Variants in PCDH15 observed in about 807,000 individuals in gnomAD.
PCDH15 encodes protocadherin-15.
In PCDH15, 129 loss-of-function variants were observed where a neutral mutation model predicts 178.5. The observed-to-expected ratio is 0.72, with a 90% CI of 0.63 to 0.84. The LOEUF (loss-of-function observed/expected upper bound fraction) is 0.84. Among genes scored for constraint, PCDH15 ranks in the 40% least tolerant of loss-of-function variants. PCDH15 has a pLI of 0.00. For synonymous variants in PCDH15, 800 were observed against 732.0 expected (o/e 1.09, Z -1.50); for missense variants, 2,230 against 2,099.9 (o/e 1.06, Z -1.21).
At chr10:54,260,643 C>G (rs6481075) in intron 8 of PCDH15, among the ~76,000 whole-genome samples, 1 of 151,726 alleles carries the variant, frequency 6.6e-6, no homozygotes, top group Admixed American at 6.6e-5. Context: ...TGCAGTGGCG[C>G]GATCTCGGCT....
intron 3 of PCDH15, among the ~76,000 whole-genome samples, chr10:54,867,507 CATT>C (rs1337968550): frequency 2.0e-5 from 3 of 152,054 alleles, no homozygotes; most frequent in African/African-American, 7.2e-5. Flanking sequence ...TAGAGACACT[CATT>C]ATTTTTTACA....
At chr10:54,609,017 G>A (rs772297240) in intron 2 of PCDH15, among the ~76,000 whole-genome samples, 11 of 151,942 alleles carry the variant, frequency 7.2e-5, no homozygotes, top group Admixed American at 2.0e-4. Context: ...CACTACAAGC[G>A]CACGAATAAT....
intron 2 of PCDH15, among the ~76,000 whole-genome samples, chr10:54,595,048 C>T (rs1172672421): frequency 6.6e-6 from 1 of 152,204 alleles, no homozygotes; most frequent in Non-Finnish European, 1.5e-5. Context: ...CAGGGCCCTC[C>T]ACCTTCCCAA....
At chr10:55,541,050 G>C (rs972729521) in intron 2 of PCDH15, among the ~76,000 whole-genome samples, 1 of 152,016 alleles carries the variant, frequency 6.6e-6, no homozygotes, top group Non-Finnish European at 1.5e-5. Context: ...ATTCGGCACA[G>C]GACCTTGCAG....
chr10:54,232,560 T>C (rs1378958473), intron 9 of PCDH15, among the ~76,000 whole-genome samples: 1 of 152,226 alleles, frequency 6.6e-6, no homozygotes, highest in Non-Finnish European at 1.5e-5. Context: ...AGTCAGTCTA[T>C]TAACTTGTTA....
chr10:53,874,631 C>T (rs1048592967), intron 26 of PCDH15, among the ~76,000 whole-genome samples: 2 of 152,068 alleles, frequency 1.3e-5, no homozygotes, highest in African/African-American at 4.8e-5. Flanking sequence ...AAAAACCCCT[C>T]CTGCAAGCCA....
intron 2 of PCDH15, among the ~76,000 whole-genome samples, chr10:55,162,395 T>G (rs187028175): frequency 4.9e-4 from 75 of 152,292 alleles, no homozygotes; most frequent in Admixed American, 1.4e-3. Flanking sequence ...AGTTTTAGAA[T>G]TGTGCACAAA....
chr10:55,199,887 G>A (rs1840196671), intron 1 of PCDH15, among the ~76,000 whole-genome samples: 1 of 152,130 alleles, frequency 6.6e-6, no homozygotes, highest in Non-Finnish European at 1.5e-5. Flanking sequence ...TGCACAGAAA[G>A]CAAGAATTAA....
At chr10:55,224,637 A>T (rs761403013) in intron 1 of PCDH15, among the ~76,000 whole-genome samples, 3 of 152,242 alleles carry the variant, frequency 2.0e-5, no homozygotes, top group Admixed American at 6.5e-5. Context: ...ACTAGTACAT[A>T]GCACACCACC....
chr10:54,493,215 G>T (rs1188702493), intron 3 of PCDH15, among the ~76,000 whole-genome samples: 1 of 151,992 alleles, frequency 6.6e-6, no homozygotes, highest in South Asian at 2.1e-4. Flanking sequence ...TATAAATAGG[G>T]TTCAGTATTA....
chr10:54,691,279 A>G (rs2095115445), intron 1 of PCDH15, among the ~76,000 whole-genome samples: 1 of 152,052 alleles, frequency 6.6e-6, no homozygotes, highest in Non-Finnish European at 1.5e-5. Flanking sequence ...ATGAGTAGTA[A>G]TCTACATAGT....
In PCDH15 at chr10:54,880,047, T is replaced by G. The variant is rs569038697; in HGVS notation, c.-29+17403A>C. Among the ~76,000 whole-genome samples, 49 of 152,306 alleles carry G rather than the reference T, an allele frequency of 3.2e-4. 1 individual carries two copies. The highest frequency in any genetic ancestry group is 2.2e-3 in the Admixed American group (33 of 15,294). On this transcript the variant is annotated intron_variant, in intron 3 of 5. Transcript: ENST00000458638. Reference sequence around the variant, plus strand: ...TAAATGTGTGAAGTAGATCTATGTATGTTTAGAACAAATTAAAATCCTGAT... The same window carrying G: ...TAAATGTGTGAAGTAGATCTATGTAGGTTTAGAACAAATTAAAATCCTGAT...
chr10:54,609,368 C>T (rs184122462), intron 2 of PCDH15, among the ~76,000 whole-genome samples: 3 of 152,112 alleles, frequency 2.0e-5, no homozygotes, highest in Admixed American at 2.0e-4. Context: ...TAAAGATATT[C>T]CACACCAATG....
In PCDH15 at chr10:53,911,411, T is replaced by G. The variant is rs916368666; in HGVS notation, c.3374-8041A>C. On this transcript the variant is annotated intron_variant, in intron 25 of 37. Transcript: ENST00000644397. ...AAATAAAGATGTTCTTTGAAACCAA[T>G]GAGAACAAAGACACAACATACCAGA... Among the ~76,000 whole-genome samples, 34 of 152,056 alleles carry G rather than the reference T, an allele frequency of 2.2e-4. 1 individual carries two copies. The highest frequency in any genetic ancestry group is 2.2e-3 in the Admixed American group (34 of 15,250).
At chr10:54,188,918 T>G (rs1057487157) in intron 11 of PCDH15, among the ~76,000 whole-genome samples, 1 of 151,572 alleles carries the variant, frequency 6.6e-6, no homozygotes, top group Non-Finnish European at 1.5e-5. Context: ...AAGAGAAAAA[T>G]GACAAAAAAA....
At chr10:54,797,015 C>T (rs1202903521) in intron 1 of PCDH15, among the ~76,000 whole-genome samples, 1 of 151,998 alleles carries the variant, frequency 6.6e-6, no homozygotes, top group African/African-American at 2.4e-5. Context: ...ATGAAAACAA[C>T]AGGGAGAGCA....
chr10:54,332,377 A>T (rs2384449), intron 6 of PCDH15, among the ~76,000 whole-genome samples: 11,846 of 36,232 alleles, frequency 0.33, 3,628 homozygotes, highest in Middle Eastern at 0.58. Flanking sequence ...TATATATATA[A>T]TATATATATA....
intron 1 of PCDH15, among the ~76,000 whole-genome samples, chr10:54,770,516 A>G (rs1948973835): frequency 6.6e-6 from 1 of 152,090 alleles, no homozygotes; most frequent in African/African-American, 2.4e-5. Context: ...TAAAGTGTTC[A>G]TTTTAGTTCA....
chr10:54,713,634 A>G (rs1340264221), intron 1 of PCDH15, among the ~76,000 whole-genome samples: 1 of 152,136 alleles, frequency 6.6e-6, no homozygotes, highest in Admixed American at 6.6e-5. Context: ...AATAATCAAT[A>G]TGTCTAAAAT....
Sources: gnomAD v4.1 joint callset for allele counts (sites outside exome capture counted in the v4.1 genomes callset) on GRCh38, gnomAD v4.1.1 for gene constraint, MANE v1.5 for transcripts, NCBI Gene and HGNC (gene_info 2026-07-23, HGNC 2026-07-21) for gene names.